The following NINJ1 variants were observed in gnomAD, a reference collection of about 807,000 sequenced individuals.
NINJ1 encodes ninjurin-1.
In NINJ1, 6 loss-of-function variants were observed where a neutral mutation model predicts 12.7. The observed-to-expected ratio is 0.47, with a 90% confidence interval of 0.26 to 0.93. The LOEUF (loss-of-function observed/expected upper bound fraction) is 0.93, where lower values mean the gene tolerates loss of function less well. NINJ1 is among the 40% of genes least tolerant of loss of function. The pLI, the probability that NINJ1 is intolerant of heterozygous loss-of-function variation, is 0.15. For missense variants in NINJ1, 170 were observed against 213.0 expected, an observed-to-expected ratio of 0.80 and a Z score of 1.26; for synonymous variants, 100 against 96.0, an observed-to-expected ratio of 1.04 and a Z score of -0.25.
intron 1 of NINJ1, 55 bp downstream of exon 1, chr9:93,134,088 G>T: frequency 1.5e-6 from 2 of 1,350,048 alleles, no homozygotes; most frequent in Non-Finnish European, 2.0e-6. Context: ...GAGCCGCGGC[G>T]CCCCGAAAGG....
intron 1 of NINJ1, among the ~76,000 whole-genome samples, chr9:93,133,942 T>G (rs1827936340): frequency 6.6e-6 from 1 of 152,038 alleles, no homozygotes; most frequent in Admixed American, 6.5e-5. Flanking sequence ...CGCCCCCTCG[T>G]CCCGCCCACT....
intron 1 of NINJ1, 42 bp from the exon 2 acceptor site, chr9:93,126,680 G>T: frequency 6.6e-7 from 1 of 1,506,566 alleles, no homozygotes; most frequent in East Asian, 2.3e-5. Context: ...TGGGGGAGGG[G>T]GGCAAGGGCT....
chr9:93,124,762 T>G, intron 3 of NINJ1, 137 bp downstream of exon 3: 2 of 914,658 alleles, frequency 2.2e-6, no homozygotes, highest in South Asian at 3.7e-5. Context: ...GGCATTGGCC[T>G]TGTAGGTGTG....
chr9:93,127,119 G>A (rs929042570), intron 1 of NINJ1, among the ~76,000 whole-genome samples: 3 of 152,102 alleles, frequency 2.0e-5, no homozygotes, highest in Non-Finnish European at 4.4e-5. Context: ...GGCAGAGATC[G>A]CCCCTGCCAC....
chr9:93,132,301 T>A (rs1043397796), intron 1 of NINJ1, among the ~76,000 whole-genome samples: 3 of 152,186 alleles, frequency 2.0e-5, no homozygotes, highest in Admixed American at 1.3e-4. Context: ...ATCCTCACAC[T>A]GGCTCATAGC....
intron 1 of NINJ1, among the ~76,000 whole-genome samples, chr9:93,130,226 C>G (rs1295490793): frequency 6.6e-6 from 1 of 152,164 alleles, no homozygotes; most frequent in Non-Finnish European, 1.5e-5. Flanking sequence ...GCGTGGCTGG[C>G]TCCTCATGCA....
chr9:93,125,865 G>C (rs986621195), intron 2 of NINJ1: 1 of 156,096 alleles, frequency 6.4e-6, no homozygotes, highest in Non-Finnish European at 1.4e-5. Context: ...GCAGTGAGCT[G>C]TGATCAAGAC....
chr9:93,122,530 G>A (rs182287172), intron 3 of NINJ1, among the ~76,000 whole-genome samples: 29 of 152,286 alleles, frequency 1.9e-4, no homozygotes, highest in Non-Finnish European at 1.2e-4. Context: ...CGAGTGTCAG[G>A]GCCATTTGCA....
chr9:93,133,887 C>A (rs1479424071), intron 1 of NINJ1, among the ~76,000 whole-genome samples: 1 of 152,190 alleles, frequency 6.6e-6, no homozygotes, highest in African/African-American at 2.4e-5. Context: ...CAAGCGCGGG[C>A]GCTGCTTAGT....
intron 1 of NINJ1, among the ~76,000 whole-genome samples, chr9:93,133,527 G>A (rs917155818): frequency 5.3e-5 from 8 of 152,242 alleles, no homozygotes; most frequent in African/African-American, 1.9e-4. Flanking sequence ...GCCGGGCAGG[G>A]CAAGTTCTGG....
intron 1 of NINJ1, among the ~76,000 whole-genome samples, chr9:93,127,719 C>T (rs1324742727): frequency 6.6e-6 from 1 of 152,246 alleles, no homozygotes; most frequent in Admixed American, 6.5e-5. Context: ...TTGCCAGGCC[C>T]TAGACCACAG....
intron 2 of NINJ1, chr9:93,125,704 C>T (rs534340191): frequency 5.9e-5 from 9 of 153,262 alleles, no homozygotes; most frequent in Non-Finnish European, 1.3e-4. Flanking sequence ...ATCACGTGAG[C>T]CCAGGAGTTT....
rs28399238 is a variant in NINJ1 at position 93,122,161 on chromosome 9, G to C, written c.*79C>G. 3,029 of 153,042 alleles carry C rather than the reference G, an allele frequency of 0.02. 86 individuals are homozygous for C. The highest frequency in any genetic ancestry group is 0.065 in the African/African-American group (2,692 of 41,548). 9.5% of individuals were successfully genotyped at this position (153,042 alleles called of 1,614,324 possible). A position where few individuals can be genotyped will look rare whatever the true frequency, so the allele number is the denominator to read the frequency against. ...TGGGTAGTGCCATGTGCAGGGAGGTGGACACCTCACAGGTATGGCGACTCC... is the reference window on the plus strand; with the variant it reads ...TGGGTAGTGCCATGTGCAGGGAGGTCGACACCTCACAGGTATGGCGACTCC... On this transcript the variant is annotated 3_prime_UTR_variant, in exon 4 of 4. Coordinates refer to ENST00000375446, the MANE Select transcript of NINJ1 (RefSeq NM_004148.4).
intron 3 of NINJ1, among the ~76,000 whole-genome samples, chr9:93,122,689 C>T (rs1052983529): frequency 3.9e-5 from 6 of 152,164 alleles, no homozygotes; most frequent in African/African-American, 1.4e-4. Context: ...ATGGGGGGCT[C>T]GGGTTGGGCA....
chr9:93,126,317 A>C, intron 2 of NINJ1, 93 bp downstream of exon 2: 1 of 1,101,824 alleles, frequency 9.1e-7, no homozygotes, highest in Non-Finnish European at 1.3e-6. Flanking sequence ...TTGAGAGCCA[A>C]GTGTGCAAGG....
At chr9:93,124,822 G>T in intron 3 of NINJ1, 77 bp downstream of exon 3, 2 of 1,472,434 alleles carry the variant, frequency 1.4e-6, no homozygotes, top group Non-Finnish European at 1.8e-6. Context: ...GCCGGCCAGG[G>T]ACTCACCACA....
chr9:93,126,151 T>TGC, intron 2 of NINJ1: 1 of 514,732 alleles, frequency 1.9e-6, no homozygotes, highest in Non-Finnish European at 3.4e-6. Context: ...GAGCCGAGAC[T>TGC]GCGCCACTGC....
At chr9:93,124,739 AAGGCAGTGGCC>A (rs1827784642) in intron 3 of NINJ1, among the ~76,000 whole-genome samples, 149 bp downstream of exon 3, 1 of 152,220 alleles carries the variant, frequency 6.6e-6, no homozygotes, top group African/African-American at 2.4e-5. Context: ...GGCTGGCCTC[AAGGCAGTGGCC>A]AGGCATTGGC....
At position 93,125,118 on chromosome 9, in the gene NINJ1, G is replaced by T. The variant is rs1827793257; in HGVS notation, c.305-56C>A. 1.9e-6 allele frequency: 3 copies of T among 1,541,476 alleles called. No individual in the cohort carries two copies. The Admixed American group carries it at 5.8e-5, about 30-fold the overall frequency. On this transcript the variant is annotated intron_variant, in intron 2 of 3. Coordinates refer to ENST00000375446, the MANE Select transcript of NINJ1 (RefSeq NM_004148.4). ...AGGGCAGCCCAGACGCAGCGCCCCA[G>T]CCTGGGACAGTGGAAGGGGACCCAC...
Sources: allele counts gnomAD v4.1 joint callset (sites outside exome capture counted in the v4.1 genomes callset), GRCh38; gene constraint gnomAD v4.1.1; transcripts MANE v1.5; gene names NCBI Gene and HGNC (gene_info 2026-07-23, HGNC 2026-07-21).